RUVBL1: variants seen among roughly 807,000 people sequenced by gnomAD.
The protein encoded by RUVBL1 is RuvB like AAA ATPase 1, also known as ruvB-like 1.
RUVBL1 carries 4 observed loss-of-function variants against 52.4 expected under a neutral mutation model. The observed-to-expected ratio is 0.08, with a 90% CI of 0.04 to 0.17. RUVBL1 has a LOEUF of 0.17. Among genes scored for constraint, RUVBL1 ranks in the 10% least tolerant of loss-of-function variants. RUVBL1 has a pLI of 1.00. For missense variants in RUVBL1, 298 were observed against 572.8 expected (o/e 0.52, Z 4.90); for synonymous variants, 217 against 214.4 (o/e 1.01, Z -0.10).
At chr3:128,153,306 G>A in exon 1 of RUVBL1, 2 of 1,362,704 alleles carry the variant, frequency 1.5e-6, no homozygotes, top group Non-Finnish European at 1.9e-6. Flanking sequence ...CCTGCCTACG[G>A]TGACCTCCAG....
intron 4 of RUVBL1, among the ~76,000 whole-genome samples, chr3:128,102,452 ATAGT>A (rs1289482735): frequency 6.6e-6 from 1 of 152,226 alleles, no homozygotes; most frequent in Non-Finnish European, 1.5e-5. Flanking sequence ...TAAGGATTCT[ATAGT>A]TAAACACAAG....
chr3:128,087,309 G>A (rs372840270), intron 9 of RUVBL1, among the ~76,000 whole-genome samples: 10 of 152,332 alleles, frequency 6.6e-5, no homozygotes, highest in South Asian at 6.2e-4. Context: ...AAGGCCACAG[G>A]CATATTCTGG....
At position 128,082,509 on chromosome 3, in the gene RUVBL1, C is replaced by T; in HGVS notation, c.1185G>A (p.Gly395=). Residue 395 remains glycine, a synonymous_variant, in exon 10 of 11, where the codon GGG becomes GGA. Transcript: ENST00000322623. The surrounding 1 kb of genome is among the most constrained non-coding windows in gnomAD (Gnocchi z 4.7). ...TCAGTGTGGTCTTGGTGCCAATCTC[C>T]CCCAGGTGGTTCAGTGCCTCCTCAC... ...NISEEALNHL[G]EIGTKTTLRY... 1 of 1,613,836 alleles carries T rather than the reference C, an allele frequency of 6.2e-7. No homozygotes were observed. The highest frequency in any genetic ancestry group is 8.5e-7 in the Non-Finnish European group (1 of 1,179,892).
intron 9 of RUVBL1, chr3:128,075,221 T>C (rs1942279939): frequency 6.6e-6 from 1 of 152,240 alleles, no homozygotes; most frequent in African/African-American, 2.4e-5. Context: ...AACACTACAC[T>C]TGATCTTAGC....
At chr3:128,146,789 G>A (rs1559839498) in intron 1 of RUVBL1, among the ~76,000 whole-genome samples, 1 of 151,950 alleles carries the variant, frequency 6.6e-6, no homozygotes, top group South Asian at 2.1e-4. Flanking sequence ...GTGTGCACGT[G>A]TGTCCATGTG....
chr3:128,066,871 G>C, intron 9 of RUVBL1: 1 of 1,375,306 alleles, frequency 7.3e-7, no homozygotes, highest in Non-Finnish European at 1.0e-6. Flanking sequence ...TGGCCCACTG[G>C]ACAGTCCCCG....
chr3:128,130,622 TATTTATG>T (rs1375380296), intron 1 of RUVBL1, among the ~76,000 whole-genome samples: 344 of 31,982 alleles, frequency 0.011, 3 homozygotes, highest in African/African-American at 0.026. Flanking sequence ...AAATTTTATT[TATTTATG>T]TATTTATTTA....
At chr3:128,105,308 G>C (rs1233687448) in intron 3 of RUVBL1, among the ~76,000 whole-genome samples, 1 of 151,528 alleles carries the variant, frequency 6.6e-6, no homozygotes, top group Non-Finnish European at 1.5e-5. Context: ...TTTTGGTAGG[G>C]ACAGGGTTTC....
At chr3:128,096,463 C>T (rs1942971763) in intron 8 of RUVBL1, among the ~76,000 whole-genome samples, 1 of 152,108 alleles carries the variant, frequency 6.6e-6, no homozygotes, top group Admixed American at 6.5e-5. Context: ...AAAGGCAGGC[C>T]AAAGGGATGG....
downstream of RUVBL1, among the ~76,000 whole-genome samples, chr3:128,079,524 A>T (rs968571864): frequency 6.6e-6 from 1 of 152,184 alleles, no homozygotes; most frequent in African/African-American, 2.4e-5. Flanking sequence ...CTCTTGCTGC[A>T]TCTCTCTTCT....
intron 1 of RUVBL1, among the ~76,000 whole-genome samples, chr3:128,129,586 A>G (rs1030133599): frequency 1.3e-5 from 2 of 152,244 alleles, no homozygotes; most frequent in African/African-American, 2.4e-5. Context: ...ATTAGAGAAT[A>G]GCAGTATTCC....
chr3:128,117,190 G>C (rs1224716184), intron 2 of RUVBL1, among the ~76,000 whole-genome samples: 1 of 152,136 alleles, frequency 6.6e-6, no homozygotes, highest in Non-Finnish European at 1.5e-5. Context: ...CATAGCTTAA[G>C]AGACAATTAG....
At chr3:128,142,257 T>C (rs1225222174) in intron 1 of RUVBL1, among the ~76,000 whole-genome samples, 1 of 152,098 alleles carries the variant, frequency 6.6e-6, no homozygotes, top group Non-Finnish European at 1.5e-5. Flanking sequence ...CACATGGTAG[T>C]GGGGTCAGAG....
intron 9 of RUVBL1, chr3:128,066,641 A>G: frequency 2.7e-6 from 1 of 370,312 alleles, no homozygotes; most frequent in Non-Finnish European, 4.9e-6. Context: ...CCAGGCTGGT[A>G]TCGAACTTCT....
At chr3:128,073,316 C>A (rs1283119475) in intron 9 of RUVBL1, among the ~76,000 whole-genome samples, 1 of 152,240 alleles carries the variant, frequency 6.6e-6, no homozygotes, top group African/African-American at 2.4e-5. Flanking sequence ...TTACCACTGC[C>A]TCCCTGGACC....
chr3:128,119,683 A>G (rs1048859256), intron 1 of RUVBL1, among the ~76,000 whole-genome samples: 6 of 152,244 alleles, frequency 3.9e-5, no homozygotes, highest in African/African-American at 1.4e-4. Context: ...AGGGATGATG[A>G]GAGAGAACGA....
chr3:128,148,904 A>G (rs1180024110), intron 1 of RUVBL1, among the ~76,000 whole-genome samples: 1 of 152,146 alleles, frequency 6.6e-6, no homozygotes, highest in East Asian at 1.9e-4. Flanking sequence ...CACAGTATAG[A>G]CAGACCATGA....
intron 9 of RUVBL1, among the ~76,000 whole-genome samples, chr3:128,066,064 C>T (rs958770743): frequency 6.6e-5 from 10 of 151,874 alleles, no homozygotes; most frequent in African/African-American, 1.9e-4. Flanking sequence ...TTTTTAAATC[C>T]TCTGTATTCC....
At chr3:128,149,440 C>T (rs1432371031) in intron 1 of RUVBL1, among the ~76,000 whole-genome samples, 1 of 152,240 alleles carries the variant, frequency 6.6e-6, no homozygotes. Context: ...CCGCCTTCGC[C>T]TCTCAAAGTG....
Sources: gnomAD v4.1 joint callset for allele counts (sites outside exome capture counted in the v4.1 genomes callset) on GRCh38, gnomAD v4.1.1 for gene constraint, Gnocchi (gnomAD v3.1) non-coding constraint, MANE v1.5 for transcripts, NCBI Gene and HGNC (gene_info 2026-07-23, HGNC 2026-07-21) for gene names.